The following CDC27 variants were observed in gnomAD, a reference collection of about 807,000 sequenced individuals.
CDC27 encodes the protein cell division cycle protein 27 homolog.
CDC27 carries 27 observed loss-of-function variants against 109.7 expected under a neutral mutation model. The ratio of observed to expected loss-of-function variants is 0.25; its 90% confidence interval spans 0.18 to 0.34. CDC27 has a LOEUF of 0.34. CDC27 is among the 10% of genes least tolerant of loss of function. The pLI is 1.00. For missense variants in CDC27, 579 were observed against 960.2 expected, an observed-to-expected ratio of 0.60 and a Z score of 5.25; for synonymous variants, 266 against 333.9, an observed-to-expected ratio of 0.80 and a Z score of 2.22.
chr17:47,172,010 T>TTTATA lies in CDC27; in HGVS notation c.157_158insTATAA (p.Lys53IlefsTer2). The TTTATA allele has an allele frequency of 6.2e-7, 1 of 1,600,292 alleles. No homozygotes were observed. The highest frequency in any genetic ancestry group is 8.5e-7 in the Non-Finnish European group (1 of 1,173,852). ...CAAGAGTCTATATGCTTTATATGCC[T>TTTATA]TTCCTGAGCGGTAATAACAGGTTGC... On this transcript the variant is annotated stop_gained and frameshift_variant, in exon 3 of 19. Coordinates refer to ENST00000066544, the MANE Select transcript of CDC27 (RefSeq NM_001256.6). LOFTEE classifies it high-confidence loss of function.
At chr17:47,125,051 G>A (rs1033878963) in intron 16 of CDC27, among the ~76,000 whole-genome samples, 1 of 151,536 alleles carries the variant, frequency 6.6e-6, no homozygotes, top group Admixed American at 6.6e-5. Flanking sequence ...TCGAGTAGCT[G>A]GGATTACAGG....
chr17:47,165,178 T>C (rs1316529005), intron 4 of CDC27, among the ~76,000 whole-genome samples: 1 of 152,220 alleles, frequency 6.6e-6, no homozygotes, highest in Non-Finnish European at 1.5e-5. Context: ...TCTTTATTGC[T>C]AAGTAGTCCA....
At chr17:47,175,175 T>A (rs748791542) in intron 2 of CDC27, among the ~76,000 whole-genome samples, 1 of 121,810 alleles carries the variant, frequency 8.2e-6, no homozygotes, top group Non-Finnish European at 1.8e-5. Flanking sequence ...CTTTTGAGTG[T>A]AAGTCCAAAA....
intron 16 of CDC27, among the ~76,000 whole-genome samples, chr17:47,128,926 C>T (rs1459387411): frequency 2.6e-5 from 4 of 152,114 alleles, no homozygotes; most frequent in African/African-American, 9.7e-5. Context: ...CACCTGCCAC[C>T]ATGCCCAGCT....
intron 14 of CDC27, among the ~76,000 whole-genome samples, chr17:47,133,326 C>A (rs574446031): frequency 6.7e-6 from 1 of 149,808 alleles, no homozygotes; most frequent in African/African-American, 2.5e-5. Flanking sequence ...TTAGCAGAGA[C>A]GGGGTTTCTC....
chr17:47,149,089 A>G (rs976388312), intron 9 of CDC27, among the ~76,000 whole-genome samples: 5 of 151,642 alleles, frequency 3.3e-5, no homozygotes, highest in African/African-American at 1.2e-4. Flanking sequence ...AAAAAAAAAA[A>G]AAAAAAAGAA....
chr17:47,178,895 C>T (rs1332015530), intron 2 of CDC27, among the ~76,000 whole-genome samples: 1 of 151,992 alleles, frequency 6.6e-6, no homozygotes, highest in Non-Finnish European at 1.5e-5. Context: ...CTCCGCCTCC[C>T]GGGTTCAAGC....
At chr17:47,156,623 T>G in intron 7 of CDC27, 1 of 187,892 alleles carries the variant, frequency 5.3e-6, no homozygotes, top group South Asian at 1.9e-4. Flanking sequence ...AATTTTTGTA[T>G]TTTTAGTAGA....
Position 47,119,462 on chromosome 17 carries a change from A to C in CDC27, c.*1473T>G, listed in dbSNP as rs1270043458. 6.6e-6 allele frequency: 1 copy of C among 152,180 alleles called. No homozygotes were observed. Among genetic ancestry groups the C allele is most frequent in the Non-Finnish European group, 1.5e-5 (1 of 68,012 alleles). The allele number at this position is 152,180 out of a possible 1,614,324, so 9.4% of individuals were successfully genotyped here. ...CTTTTGTAATCCACCTTATTTTCAC[A>C]GCTTGACTAACAAATACAGGTAAGT... On this transcript the variant is annotated 3_prime_UTR_variant, in exon 19 of 19. Coordinates refer to ENST00000066544, the MANE Select transcript of CDC27 (RefSeq NM_001256.6).
chr17:47,123,402 C>CTTTTTTTTTTTT (rs57868315), intron 17 of CDC27, among the ~76,000 whole-genome samples: 11 of 122,998 alleles, frequency 8.9e-5, no homozygotes, highest in Admixed American at 1.8e-4. Flanking sequence ...TTTTTTTCTA[C>CTTTTTTTTTTTT]TTTTTTTTTT....
chr17:47,129,357 A>C (rs1316072834), intron 16 of CDC27, 36 bp downstream of exon 16: 1 of 1,504,298 alleles, frequency 6.6e-7, no homozygotes, highest in African/African-American at 1.4e-5. Flanking sequence ...TTTTTAAGCA[A>C]TACAACACTG....
chr17:47,151,971 G>T, intron 8 of CDC27, 53 bp from the exon 9 acceptor site: 1 of 1,508,090 alleles, frequency 6.6e-7, no homozygotes, highest in South Asian at 1.4e-5. Flanking sequence ...CACTGTAAAT[G>T]ATAAAAGACA....
chr17:47,163,866 G>C (rs2063565957), intron 4 of CDC27, among the ~76,000 whole-genome samples: 1 of 152,208 alleles, frequency 6.6e-6, no homozygotes. Flanking sequence ...CTGGATTCAA[G>C]TGATTCTCCT....
At position 47,133,022 on chromosome 17, in the gene CDC27, TATATATAC is replaced by T. The variant is rs1234940774; in HGVS notation, c.1914-656_1914-649del. Among the ~76,000 whole-genome samples, 213 of 41,546 alleles carry T rather than the reference TATATATAC, an allele frequency of 5.1e-3. 5 individuals carry two copies. Among genetic ancestry groups the T allele is most frequent in the East Asian group, 0.015 (23 of 1,530 alleles). The allele number at this position is 41,546 out of a possible 152,430, so 27.3% of individuals were successfully genotyped here. On this transcript the variant is annotated intron_variant, in intron 14 of 18. Coordinates refer to ENST00000066544, the MANE Select transcript of CDC27 (RefSeq NM_001256.6). ...ATATATATATATATATATATATATATATATATACACACACACACACACACACACACACA... is the reference window on the plus strand; with the variant it reads ...ATATATATATATATATATATATATATACACACACACACACACACACACACA...
At chr17:47,167,142 A>G (rs2063674601) in intron 4 of CDC27, among the ~76,000 whole-genome samples, 1 of 152,262 alleles carries the variant, frequency 6.6e-6, no homozygotes, top group African/African-American at 2.4e-5. Context: ...GGCGTGAGCC[A>G]CTGTGCCCAG....
intron 2 of CDC27, among the ~76,000 whole-genome samples, chr17:47,180,631 C>T (rs1030825536): frequency 6.7e-6 from 1 of 150,268 alleles, no homozygotes; most frequent in African/African-American, 2.4e-5. Flanking sequence ...AAGCTGTACA[C>T]AATGATCTAT....
intron 1 of CDC27, among the ~76,000 whole-genome samples, chr17:47,183,228 T>C (rs1281311610): frequency 6.6e-6 from 1 of 152,188 alleles, no homozygotes; most frequent in Non-Finnish European, 1.5e-5. Context: ...TGTTGAATGA[T>C]TTAAAAAGGT....
intron 9 of CDC27, among the ~76,000 whole-genome samples, chr17:47,146,936 G>A (rs1375961311): frequency 6.6e-6 from 1 of 151,980 alleles, no homozygotes; most frequent in Non-Finnish European, 1.5e-5. Flanking sequence ...TGTGGCACGT[G>A]CCTATAGTTC....
rs1422473112 is a variant in CDC27, at chr17:47,133,022, T to TAC, written c.1914-649_1914-648insGT. On this transcript the variant is annotated intron_variant, in intron 14 of 18. Transcript: ENST00000066544. ...ATATATATATATATATATATATATATATATATACACACACACACACACACA... is the reference window on the plus strand; with the variant it reads ...ATATATATATATATATATATATATATACATATATACACACACACACACACACA... Among the ~76,000 whole-genome samples, 186 of 41,502 alleles carry TAC rather than the reference T, an allele frequency of 4.5e-3. 1 individual carries two copies. The highest frequency in any genetic ancestry group is 0.013 in the African/African-American group (161 of 12,374). The allele number at this position is 41,502 out of a possible 152,430, so 27.2% of individuals were successfully genotyped here.
Sources: allele counts gnomAD v4.1 joint callset (sites outside exome capture counted in the v4.1 genomes callset), GRCh38; gene constraint gnomAD v4.1.1; transcripts MANE v1.5; gene names NCBI Gene and HGNC (gene_info 2026-07-23, HGNC 2026-07-21).